The following MYO18B variants were observed in gnomAD, a reference collection of about 807,000 sequenced individuals.
The protein encoded by MYO18B is myosin XVIIIB.
Under a neutral mutation model 273.0 loss-of-function variants are expected in MYO18B, and 204 were observed. That is an observed-to-expected ratio of 0.75 (90% CI 0.67 to 0.84). The LOEUF is 0.84. Ranked by LOEUF, MYO18B falls within the 40% of genes least tolerant of loss-of-function variation. The probability of loss-of-function intolerance (pLI) is 0.00; values close to 1 mark genes in which losing one functional copy is unlikely to be tolerated. For missense variants in MYO18B, 3,212 were observed against 3,287.6 expected (o/e 0.98, Z 0.56); for synonymous variants, 1,330 against 1,305.7 (o/e 1.02, Z -0.40).
chr22:25,752,664 A>G (rs1024717426), intron 1 of MYO18B, among the ~76,000 whole-genome samples: 1 of 135,536 alleles, frequency 7.4e-6, no homozygotes, highest in African/African-American at 2.9e-5. Flanking sequence ...CTAATTAAAA[A>G]AAAATTTTTT....
intron 17 of MYO18B, among the ~76,000 whole-genome samples, chr22:25,839,859 C>T (rs1039757623): frequency 2.0e-5 from 3 of 152,196 alleles, no homozygotes; most frequent in East Asian, 1.9e-4. Context: ...GCACTGTTGG[C>T]GACTCCTGGA....
At chr22:25,828,438 G>A (rs1475107392) in intron 14 of MYO18B, among the ~76,000 whole-genome samples, 1 of 152,036 alleles carries the variant, frequency 6.6e-6, no homozygotes, top group African/African-American at 2.4e-5. Context: ...ATTTTAATAG[G>A]CCTCTGAAGA....
At chr22:25,918,648 G>T (rs1331125017) in intron 33 of MYO18B, among the ~76,000 whole-genome samples, 1 of 152,224 alleles carries the variant, frequency 6.6e-6, no homozygotes, top group East Asian at 1.9e-4. Flanking sequence ...CTTTCAGGCA[G>T]TGAAGATCGT....
chr22:25,763,361 A>G lies in MYO18B; in HGVS notation c.170A>G (p.Gln57Arg), dbSNP rs1353922831. 1.2e-6 allele frequency: 2 copies of G among 1,612,010 alleles called. No homozygotes were observed. The highest frequency in any genetic ancestry group is 1.7e-6 in the Non-Finnish European group (2 of 1,179,504). The change falls in exon 3 of 44, where the codon CAG becomes CGG. Residue 57 changes from glutamine (Q) to arginine (R), a missense_variant. By Grantham distance (43) the Gln-to-Arg change is conservative. Transcript: ENST00000335473. ...KEAKEARQRK[Q>R]LAVASPEREI... ...GCCAAGGAAGCGAGACAGAGGAAGC[A>G]GTTAGCTGTCGCCTCTCCAGAACGA... is the stretch of plus-strand genomic sequence containing the variant.
At chr22:25,927,100 A>G (rs1202733591) in intron 34 of MYO18B, among the ~76,000 whole-genome samples, 1 of 152,192 alleles carries the variant, frequency 6.6e-6, no homozygotes, top group East Asian at 1.9e-4. Flanking sequence ...TAATTGCATT[A>G]ACTGCACAAA....
intron 35 of MYO18B, among the ~76,000 whole-genome samples, chr22:25,947,262 A>G (rs560645726): frequency 1.3e-5 from 2 of 152,004 alleles, no homozygotes; most frequent in Non-Finnish European, 2.9e-5. Flanking sequence ...CACCCAATAC[A>G]TATTTATTGA....
At chr22:25,910,040 C>G (rs1012405671) in intron 32 of MYO18B, among the ~76,000 whole-genome samples, 15 of 152,174 alleles carry the variant, frequency 9.9e-5, no homozygotes, top group African/African-American at 3.4e-4. Context: ...CTGCAAAGCA[C>G]AGCCACAGTA....
intron 34 of MYO18B, among the ~76,000 whole-genome samples, chr22:25,936,622 T>C (rs1021653228): frequency 1.3e-5 from 2 of 152,162 alleles, no homozygotes; most frequent in Non-Finnish European, 2.9e-5. Context: ...CTTAATCAGC[T>C]CAGGCTGCCA....
chr22:25,808,217 A>T (rs8136123), intron 12 of MYO18B, among the ~76,000 whole-genome samples: 1 of 151,966 alleles, frequency 6.6e-6, no homozygotes, highest in East Asian at 1.9e-4. Context: ...CTTTTCTTGT[A>T]TGAGATTAAA....
intron 39 of MYO18B, among the ~76,000 whole-genome samples, chr22:25,981,116 T>A (rs1411993575): frequency 6.6e-6 from 1 of 152,228 alleles, no homozygotes. Flanking sequence ...CATATTGGAT[T>A]AGGACCCATC....
At chr22:25,814,294 CTTTTTTTTTTTTTTTTTTTTTTTTTTTTT>C (rs398036691) in intron 12 of MYO18B, among the ~76,000 whole-genome samples, 1 of 59,432 alleles carries the variant, frequency 1.7e-5, no homozygotes, top group Admixed American at 2.7e-4. Context: ...AGGCACCGTT[CTTTTTTTTTTTTTTTTTTTTTTTTTTTTT>C]TTTTTTTTTT....
At chr22:25,851,670 T>A in intron 21 of MYO18B, 91 bp downstream of exon 21, 1 of 939,506 alleles carries the variant, frequency 1.1e-6, no homozygotes, top group Non-Finnish European at 1.7e-6. Flanking sequence ...GGTGAGTGGC[T>A]CATGCCTGTA....
chr22:26,004,468 G>A (rs186424010), intron 41 of MYO18B, among the ~76,000 whole-genome samples: 2 of 152,288 alleles, frequency 1.3e-5, no homozygotes, highest in Admixed American at 1.3e-4. Flanking sequence ...AAGGAACAGG[G>A]TTTGCATCCC....
chr22:25,988,973 T>A lies in MYO18B; in HGVS notation c.6157-3390T>A, dbSNP rs144569985. Among the ~76,000 whole-genome samples the A allele has an allele frequency of 3.6e-3, 543 of 152,318 alleles. 1 individual carries two copies. The highest frequency in any genetic ancestry group is 0.012 in the African/African-American group (510 of 41,574). Reference sequence around the variant, plus strand: ...ATGATATTGTGGATTTGACTCATTTTAGACTCCTATTTCTTCTGCCCACTT... The same window carrying A: ...ATGATATTGTGGATTTGACTCATTTAAGACTCCTATTTCTTCTGCCCACTT... On this transcript the variant is annotated intron_variant, in intron 39 of 43. Coordinates refer to ENST00000335473, the MANE Select transcript of MYO18B (RefSeq NM_032608.7).
At chr22:25,781,688 GA>G in intron 9 of MYO18B, 45 bp from the exon 10 acceptor site, 1 of 1,343,374 alleles carries the variant, frequency 7.4e-7, no homozygotes, top group East Asian at 2.7e-5. Flanking sequence ...GGCATGTGCA[GA>G]TGTACCCAAA....
At chr22:25,901,194 G>C (rs982122930) in intron 29 of MYO18B, 9 of 152,218 alleles carry the variant, frequency 5.9e-5, no homozygotes, top group African/African-American at 2.2e-4. Context: ...CTGAGACTTT[G>C]AATGATAGTC....
chr22:25,829,136 C>G (rs907693266), intron 15 of MYO18B, among the ~76,000 whole-genome samples, 168 bp downstream of exon 15: 7 of 152,220 alleles, frequency 4.6e-5, no homozygotes, highest in African/African-American at 1.7e-4. Context: ...CTCTGTTGCT[C>G]CCTCCACAGC....
chr22:25,986,544 A>C (rs779613388), intron 39 of MYO18B, among the ~76,000 whole-genome samples: 18 of 152,250 alleles, frequency 1.2e-4, no homozygotes, highest in Non-Finnish European at 4.4e-5. Flanking sequence ...AACATTTAGC[A>C]GACTGCCTGT....
intron 39 of MYO18B, 57 bp downstream of exon 39, chr22:25,955,421 C>A: frequency 2.0e-6 from 3 of 1,521,896 alleles, no homozygotes; most frequent in Middle Eastern, 2.4e-4. Context: ...ATGTGGTAGA[C>A]CCCCCTTTCT....
Sources: allele counts gnomAD v4.1 joint callset (sites outside exome capture counted in the v4.1 genomes callset), GRCh38; gene constraint gnomAD v4.1.1; transcripts MANE v1.5; gene names NCBI Gene and HGNC (gene_info 2026-07-23, HGNC 2026-07-21).